Variants in RELN observed in about 807,000 individuals in gnomAD.
RELN encodes the protein reelin.
RELN carries 108 observed loss-of-function variants against 427.6 expected under a neutral mutation model. The observed-to-expected ratio is 0.25, with a 90% CI of 0.22 to 0.30. The LOEUF is 0.30. Ranked by LOEUF, RELN falls within the 10% of genes least tolerant of loss-of-function variation. The pLI is 1.00. For missense variants in RELN, 3,715 were observed against 4,302.8 expected (o/e 0.86, Z 3.82); for synonymous variants, 1,524 against 1,513.4 (o/e 1.01, Z -0.16).
rs1201821080 is a variant in RELN, at chr7:103,636,327, A to G, written c.2211T>C (p.Gly737=). The stretch of plus-strand genomic sequence containing the variant: ...CCTTACCACTGGCCAAGACACCACA[A>G]CCAAAGCTGACTTCAGCACCACGGA... ...YSIRGAEVSF[G]CGVLASGKAL... is the part of the protein sequence containing the mutation. The change falls in exon 18 of 65, where the codon GGT becomes GGC. Residue 737 remains glycine (G), a synonymous_variant. Coordinates refer to ENST00000428762, the MANE Select transcript of RELN (RefSeq NM_005045.4). The G allele has an allele frequency of 2.5e-6, 4 of 1,613,850 alleles. No individual in the cohort carries two copies. In the Admixed American group the frequency reaches 5.0e-5, roughly 20 times the overall value.
chr7:103,556,833 T>A, intron 38 of RELN, 144 bp downstream of exon 38: 1 of 773,276 alleles, frequency 1.3e-6, no homozygotes, highest in Non-Finnish European at 2.3e-6. Context: ...GACTAATACA[T>A]TTGTCAAAAG....
chr7:103,501,252 G>A (rs1002219916), intron 52 of RELN, among the ~76,000 whole-genome samples: 3 of 152,084 alleles, frequency 2.0e-5, no homozygotes, highest in Admixed American at 6.5e-5. Context: ...TTGGAGTTCC[G>A]TGGTCATGAT....
intron 5 of RELN, among the ~76,000 whole-genome samples, chr7:103,751,143 T>G (rs1367404061): frequency 1.3e-5 from 2 of 152,252 alleles, no homozygotes; most frequent in African/African-American, 4.8e-5. Context: ...TTCCAGCTAC[T>G]CTAACTTCTT....
In RELN at chr7:103,479,663, T is replaced by G. The variant is rs77292195; in HGVS notation, c.10281-1269A>C. ...GGCTTGTCATTCTGTATGTCCATAT[T>G]TATGAAAATCAAATCCTTCCACATG... is the stretch of plus-strand genomic sequence containing the variant. On this transcript the variant is annotated intron_variant, in intron 63 of 64. Transcript: ENST00000428762. Among the ~76,000 whole-genome samples the G allele has an allele frequency of 8.7e-4, 132 of 152,308 alleles. 1 individual carries two copies. Among genetic ancestry groups the G allele is most frequent in the South Asian group, 2.7e-3 (13 of 4,822 alleles).
At chr7:103,873,617 A>C (rs1454456095) in intron 2 of RELN, among the ~76,000 whole-genome samples, 4,339 of 92,520 alleles carry the variant, frequency 0.047, 89 homozygotes, top group East Asian at 0.12. Context: ...AGAAATGGAT[A>C]AATTCCTCGA....
intron 1 of RELN, among the ~76,000 whole-genome samples, chr7:103,986,884 T>A (rs1797109285): frequency 6.6e-6 from 1 of 151,712 alleles, no homozygotes; most frequent in South Asian, 2.1e-4. Context: ...ACCACAAAAG[T>A]ACATGAGATT....
At chr7:103,737,114 G>A (rs1005875579) in intron 6 of RELN, among the ~76,000 whole-genome samples, 3 of 151,952 alleles carry the variant, frequency 2.0e-5, no homozygotes, top group Non-Finnish European at 2.9e-5. Flanking sequence ...AATATTAAAT[G>A]ATAATTCCAT....
chr7:103,677,405 T>TATAATA lies in RELN; in HGVS notation c.1289+4705_1289+4710dup, dbSNP rs370333905. ...TGCACATGTAACCCAGAACTTAAAG[T>TATAATA]ATAATAATAATAATAATAATAATAA... On this transcript the variant is annotated intron_variant, in intron 11 of 64. Coordinates refer to ENST00000428762, the MANE Select transcript of RELN (RefSeq NM_005045.4). Among the ~76,000 whole-genome samples, 282 of 134,422 alleles carry TATAATA rather than the reference T, an allele frequency of 2.1e-3. 1 individual carries two copies. The highest frequency in any genetic ancestry group is 5.0e-3 in the East Asian group (23 of 4,600). 88.2% of individuals were successfully genotyped at this position (134,422 alleles called of 152,430 possible).
At chr7:103,722,422 G>T (rs1004436055) in intron 8 of RELN, among the ~76,000 whole-genome samples, 1 of 152,110 alleles carries the variant, frequency 6.6e-6, no homozygotes, top group Non-Finnish European at 1.5e-5. Flanking sequence ...TCAGGAGGGG[G>T]TTTCGCTCTA....
intron 1 of RELN, among the ~76,000 whole-genome samples, chr7:103,986,328 G>A (rs1408327736): frequency 6.6e-6 from 1 of 152,082 alleles, no homozygotes; most frequent in African/African-American, 2.4e-5. Context: ...GAAAATAGAT[G>A]GATATACTAC....
intron 45 of RELN, among the ~76,000 whole-genome samples, chr7:103,537,481 A>C (rs1830079531): frequency 1.3e-5 from 2 of 152,068 alleles, no homozygotes; most frequent in Admixed American, 1.3e-4. Context: ...TTTGTTGCCA[A>C]CTCCACTCAG....
At chr7:103,784,519 C>T (rs949171704) in intron 3 of RELN, among the ~76,000 whole-genome samples, 1 of 152,050 alleles carries the variant, frequency 6.6e-6, no homozygotes, top group African/African-American at 2.4e-5. Flanking sequence ...TAAAATGGCT[C>T]TATTTGGGTT....
intron 3 of RELN, among the ~76,000 whole-genome samples, chr7:103,792,407 C>G (rs751413930): frequency 6.6e-6 from 1 of 152,022 alleles, no homozygotes; most frequent in Middle Eastern, 3.4e-3. Context: ...AATGAAGTAC[C>G]GTTCATGCTA....
At chr7:103,513,797 ATAATT>A (rs1183983870) in intron 50 of RELN, 5 of 152,238 alleles carry the variant, frequency 3.3e-5, no homozygotes, top group East Asian at 1.9e-4. Flanking sequence ...TGAAATATAT[ATAATT>A]TAAGACTATA....
At chr7:103,498,659 T>A (rs1828919964) in intron 53 of RELN, among the ~76,000 whole-genome samples, 2 of 151,888 alleles carry the variant, frequency 1.3e-5, no homozygotes, top group Admixed American at 1.3e-4. Flanking sequence ...ACCTGGCTAT[T>A]TTTTGTATTT....
At chr7:103,907,802 T>A (rs77221064) in intron 2 of RELN, among the ~76,000 whole-genome samples, 3,326 of 152,054 alleles carry the variant, frequency 0.022, 127 homozygotes, top group African/African-American at 0.075. Context: ...TATTTTTTTT[T>A]AATTTTAAGT....
intron 64 of RELN, among the ~76,000 whole-genome samples, chr7:103,476,184 G>A (rs929327740): frequency 3.9e-5 from 6 of 152,186 alleles, no homozygotes; most frequent in Admixed American, 1.3e-4. Context: ...AAAAATGGCA[G>A]CTGGGTGCAG....
intron 3 of RELN, among the ~76,000 whole-genome samples, chr7:103,818,123 T>C (rs1355509451): frequency 6.6e-6 from 1 of 152,002 alleles, no homozygotes; most frequent in Non-Finnish European, 1.5e-5. Context: ...AATTTTATAT[T>C]CAAAGTATAC....
intron 6 of RELN, among the ~76,000 whole-genome samples, chr7:103,734,843 T>C (rs1026662811): frequency 6.6e-6 from 1 of 152,214 alleles, no homozygotes; most frequent in African/African-American, 2.4e-5. Flanking sequence ...TTTGAAAATT[T>C]ACAATAACTT....
Sources: gnomAD v4.1 joint callset for allele counts (sites outside exome capture counted in the v4.1 genomes callset) on GRCh38, gnomAD v4.1.1 for gene constraint, MANE v1.5 for transcripts, NCBI Gene and HGNC (gene_info 2026-07-23, HGNC 2026-07-21) for gene names.